Variants in CDC42BPB observed in about 807,000 individuals in gnomAD.
CDC42BPB encodes the protein CDC42 binding protein kinase beta, also known as serine/threonine-protein kinase MRCK beta.
Under a neutral mutation model 214.9 loss-of-function variants are expected in CDC42BPB, and 37 were observed. The observed-to-expected ratio is 0.17, with a 90% CI of 0.13 to 0.23. The LOEUF (loss-of-function observed/expected upper bound fraction) is 0.23. Ranked by LOEUF, CDC42BPB falls within the 10% of genes least tolerant of loss-of-function variation. The probability of loss-of-function intolerance (pLI) is 1.00; values close to 1 mark genes in which losing one functional copy is unlikely to be tolerated. For missense variants in CDC42BPB, 1,694 were observed against 2,227.0 expected, an observed-to-expected ratio of 0.76 and a Z score of 4.82; for synonymous variants, 931 against 884.0, an observed-to-expected ratio of 1.05 and a Z score of -0.94.
chr14:103,045,481 C>T (rs551455921), intron 1 of CDC42BPB, among the ~76,000 whole-genome samples: 14 of 151,870 alleles, frequency 9.2e-5, no homozygotes, highest in Admixed American at 6.6e-4. Flanking sequence ...GGAGCAGGCG[C>T]TGTCCAGCCA....
At chr14:102,976,472 C>A (rs554230925) in intron 9 of CDC42BPB, among the ~76,000 whole-genome samples, 1 of 152,252 alleles carries the variant, frequency 6.6e-6, no homozygotes, top group African/African-American at 2.4e-5. Flanking sequence ...TCTTTCAACT[C>A]TTCTTCCCCT....
intron 36 of CDC42BPB, 55 bp from the exon 37 acceptor site, chr14:102,933,898 C>A: frequency 2.1e-6 from 3 of 1,463,126 alleles, no homozygotes; most frequent in Non-Finnish European, 2.7e-6. Context: ...TGGGGAGGCA[C>A]GCGTGCCCAG....
In CDC42BPB at chr14:103,033,854, C is replaced by T. The variant is rs950169410; in HGVS notation, c.176-21666G>A. 6.6e-5 allele frequency among the ~76,000 whole-genome samples: 10 copies of T among 152,238 alleles called. No individual in the cohort carries two copies. In the East Asian group the frequency reaches 1.9e-3, roughly 29 times the overall value. Reference sequence around the variant, plus strand: ...CCTGCCCCAAACCACACAGCAGTTTCCTCACTGGAAGTGCATTGCGGCAGG... The same window carrying T: ...CCTGCCCCAAACCACACAGCAGTTTTCTCACTGGAAGTGCATTGCGGCAGG... On this transcript the variant is annotated intron_variant, in intron 1 of 36. Transcript: ENST00000361246.
chr14:103,016,158 G>A (rs921719058), intron 1 of CDC42BPB, among the ~76,000 whole-genome samples: 1 of 152,258 alleles, frequency 6.6e-6, no homozygotes, highest in Non-Finnish European at 1.5e-5. Flanking sequence ...CCCAGTGACT[G>A]GAAGGAGTGC....
chr14:103,013,016 C>T (rs1055687518), intron 1 of CDC42BPB, among the ~76,000 whole-genome samples: 2 of 152,242 alleles, frequency 1.3e-5, no homozygotes, highest in Non-Finnish European at 2.9e-5. Context: ...CCATGCATTT[C>T]TCAGGAGGTA....
chr14:103,035,787 C>G lies in CDC42BPB; in HGVS notation c.175+21212G>C, dbSNP rs189279107. Among the ~76,000 whole-genome samples, 4 of 151,934 alleles carry G rather than the reference C, an allele frequency of 2.6e-5. No individual in the cohort carries two copies. In the East Asian group the frequency reaches 7.8e-4, roughly 29 times the overall value. ...CCCGGGAGGCGGAGCTTGCAGTGAG[C>G]GGAGATCACGCCACTGCATTCCAGC... On this transcript the variant is annotated intron_variant, in intron 1 of 36. Coordinates refer to ENST00000361246, the MANE Select transcript of CDC42BPB (RefSeq NM_006035.4).
chr14:103,046,881 T>C (rs1566925964), intron 1 of CDC42BPB, among the ~76,000 whole-genome samples: 2 of 151,846 alleles, frequency 1.3e-5, no homozygotes, highest in Non-Finnish European at 2.9e-5. Context: ...CTCCAACTCC[T>C]GAGAGTTGAT....
intron 18 of CDC42BPB, among the ~76,000 whole-genome samples, chr14:102,965,224 G>A (rs992590509): frequency 1.3e-5 from 2 of 151,962 alleles, no homozygotes; most frequent in Non-Finnish European, 2.9e-5. Flanking sequence ...GAGCCGCTGC[G>A]CCTGGCCTCT....
intron 16 of CDC42BPB, among the ~76,000 whole-genome samples, chr14:102,967,523 GCA>G (rs1893265304): frequency 6.6e-6 from 1 of 152,232 alleles, no homozygotes; most frequent in South Asian, 2.1e-4. Context: ...ACGTGTCCTT[GCA>G]CACACAGCGT....
At chr14:102,960,778 C>G (rs919305844) in intron 20 of CDC42BPB, among the ~76,000 whole-genome samples, 1 of 152,154 alleles carries the variant, frequency 6.6e-6, no homozygotes. Flanking sequence ...TGGTATTGGA[C>G]AACCAGCTAG....
intron 8 of CDC42BPB, among the ~76,000 whole-genome samples, chr14:102,980,481 G>A (rs1357353679): frequency 1.3e-5 from 2 of 151,486 alleles, no homozygotes; most frequent in Non-Finnish European, 2.9e-5. Flanking sequence ...GACAGAGCAA[G>A]ACTGTCTCAA....
intron 1 of CDC42BPB, among the ~76,000 whole-genome samples, chr14:103,035,336 T>C (rs1201368205): frequency 4.6e-5 from 7 of 152,008 alleles, no homozygotes; most frequent in Non-Finnish European, 2.9e-5. Context: ...GGATTACAGG[T>C]GTGAGCCACC....
chr14:102,990,845 T>G (rs1298176592), intron 5 of CDC42BPB, among the ~76,000 whole-genome samples: 1 of 152,068 alleles, frequency 6.6e-6, no homozygotes, highest in Non-Finnish European at 1.5e-5. Context: ...CAAAAATAAC[T>G]AAGATAGTGA....
At chr14:102,941,241 A>C in intron 30 of CDC42BPB, 1 of 985,432 alleles carries the variant, frequency 1.0e-6, no homozygotes, top group Non-Finnish European at 1.2e-6. Flanking sequence ...AATGCAAGAG[A>C]GCTCCAGCTC....
chr14:103,003,040 G>A (rs1480612227), intron 4 of CDC42BPB, among the ~76,000 whole-genome samples: 1 of 152,100 alleles, frequency 6.6e-6, no homozygotes, highest in African/African-American at 2.4e-5. Context: ...AGGTGGACAC[G>A]CACGTTGGCT....
chr14:103,027,547 A>G (rs1887119586), intron 1 of CDC42BPB, among the ~76,000 whole-genome samples: 1 of 152,254 alleles, frequency 6.6e-6, no homozygotes, highest in Non-Finnish European at 1.5e-5. Flanking sequence ...AGCCAGAGAA[A>G]GTAATTAAAT....
intron 21 of CDC42BPB, among the ~76,000 whole-genome samples, chr14:102,959,159 T>C (rs1162633594): frequency 6.6e-6 from 1 of 151,620 alleles, no homozygotes; most frequent in East Asian, 2.0e-4. Context: ...TAGCCGGGCG[T>C]GGTGGTGGGT....
At chr14:103,013,743 TC>T (rs1287603843) in intron 1 of CDC42BPB, among the ~76,000 whole-genome samples, 1 of 152,186 alleles carries the variant, frequency 6.6e-6, no homozygotes, top group Admixed American at 6.5e-5. Context: ...AGCTGAGCGT[TC>T]CCCGGAGCCT....
Position 102,966,974 on chromosome 14 carries a change from GA to G in CDC42BPB, c.2471+71del. 3 of 1,548,206 alleles carry G rather than the reference GA, an allele frequency of 1.9e-6. No homozygotes were observed. In the South Asian group the frequency reaches 3.6e-5, roughly 19 times the overall value. On this transcript the variant is annotated intron_variant, in intron 17 of 36. Transcript: ENST00000361246. ...CTGGCGTGGAGCACAGGATCAGGCA[GA>G]AGAGGCGGGGCAGACCCCATGGACT...
Sources: allele counts gnomAD v4.1 joint callset (sites outside exome capture counted in the v4.1 genomes callset), GRCh38; gene constraint gnomAD v4.1.1; transcripts MANE v1.5; gene names NCBI Gene and HGNC (gene_info 2026-07-23, HGNC 2026-07-21).